SPDEF: variants seen among roughly 807,000 people sequenced by gnomAD.
SPDEF encodes the protein SAM pointed domain containing ETS transcription factor.
Under a neutral mutation model 36.0 loss-of-function variants are expected in SPDEF, and 12 were observed. The observed-to-expected ratio is 0.33, with a 90% CI of 0.21 to 0.54. SPDEF has a LOEUF of 0.54. Ranked by LOEUF, SPDEF falls within the 20% of genes least tolerant of loss-of-function variation. The probability of loss-of-function intolerance (pLI) is 0.93; values close to 1 mark genes in which losing one functional copy is unlikely to be tolerated. For missense variants in SPDEF, 388 were observed against 456.9 expected (o/e 0.85, Z 1.37); for synonymous variants, 205 against 193.0 (o/e 1.06, Z -0.51).
intron 1 of SPDEF, among the ~76,000 whole-genome samples, chr6:34,546,363 C>T (rs1767953816): frequency 6.6e-6 from 1 of 152,200 alleles, no homozygotes; most frequent in East Asian, 1.9e-4. Context: ...TGGTGCCCTA[C>T]TGGGACAGCA....
At chr6:34,546,189 A>T (rs906876399) in intron 1 of SPDEF, among the ~76,000 whole-genome samples, 1 of 152,242 alleles carries the variant, frequency 6.6e-6, no homozygotes, top group African/African-American at 2.4e-5. Context: ...GTTCACAGCC[A>T]CTGAATCAGC....
rs150236502 is a variant in SPDEF at position 34,555,124 on chromosome 6, GCACA to G, written c.-30+801_-30+804del. Reference sequence around the variant, plus strand: ...ACACCACACACACACATACTTCCGCGCACACACACGCACGCACACACCTCCACCA... The same window carrying G: ...ACACCACACACACACATACTTCCGCGCACACGCACGCACACACCTCCACCA... On this transcript the variant is annotated intron_variant, in intron 1 of 5. Coordinates refer to ENST00000374037, the MANE Select transcript of SPDEF (RefSeq NM_012391.3). The surrounding 1 kb of genome is among the most constrained non-coding windows in gnomAD (Gnocchi z 5.2). Among the ~76,000 whole-genome samples, 4,681 of 151,664 alleles carry G rather than the reference GCACA, an allele frequency of 0.031. 124 individuals are homozygous for G. The highest frequency in any genetic ancestry group is 0.043 in the Non-Finnish European group (2,922 of 67,866).
Position 34,539,130 on chromosome 6 carries a change from A to G in SPDEF, c.829+120T>C, listed in dbSNP as rs973287546. 1 of 1,197,640 alleles carries G rather than the reference A, an allele frequency of 8.3e-7. No homozygotes were observed. The highest frequency in any genetic ancestry group is 1.2e-6 in the Non-Finnish European group (1 of 845,988). The allele number at this position is 1,197,640 out of a possible 1,614,324, so 74.2% of individuals were successfully genotyped here. On this transcript the variant is annotated intron_variant, in intron 5 of 5. Transcript: ENST00000374037. This position sits in a 1 kb window ranked among gnomAD's most constrained non-coding sequence, Gnocchi z 5.2. ...GAGCTGCATATTTGGCATCTAGGAC[A>G]AAGGTGGGGATCAGCTTCACCCCTC...
intron 2 of SPDEF, among the ~76,000 whole-genome samples, chr6:34,541,596 C>T (rs188502113): frequency 7.9e-5 from 12 of 152,342 alleles, no homozygotes; most frequent in Admixed American, 2.6e-4. Context: ...ACCAGAGAAA[C>T]ACCTACCTGG....
In SPDEF at chr6:34,544,289, G is replaced by A. The variant is rs750333156; in HGVS notation, c.167C>T (p.Ser56Phe). 1.9e-5 allele frequency: 31 copies of A among 1,613,294 alleles called. No individual in the cohort carries two copies. The South Asian group carries it at 3.4e-4, about 18-fold the overall frequency. Residue 56 changes from serine (S) to phenylalanine (F), a missense_variant, in exon 2 of 6, where the codon TCC becomes TTC. Physicochemically the swap from Ser to Phe is radical, Grantham distance 155 (BLOSUM62 -2). This residue lies in a region of SPDEF where 308 missense variants were observed against 326.1 expected (regional missense o/e 0.94). Transcript: ENST00000374037. The surrounding 1 kb of genome is among the most constrained non-coding windows in gnomAD (Gnocchi z 4.4). Reference protein sequence around the residue: ...SPPATPEQGLSAFYLSYFDML... With the variant: ...SPPATPEQGLFAFYLSYFDML... The stretch of plus-strand genomic sequence containing the variant: ...GTCAAAGTAGGAGAGGTAGAAGGCG[G>A]ACAGGCCCTGCTCGGGCGTGGCGGG...
chr6:34,541,240 T>G (rs1462896640), intron 2 of SPDEF, 59 bp from the exon 3 acceptor site: 1 of 1,491,180 alleles, frequency 6.7e-7, no homozygotes, highest in African/African-American at 1.4e-5. Flanking sequence ...CCTGCTGTGA[T>G]GGGGCACCCA....
Position 34,539,206 on chromosome 6 carries a change from C to G in SPDEF, c.829+44G>C. On this transcript the variant is annotated intron_variant, in intron 5 of 5. Coordinates refer to ENST00000374037, the MANE Select transcript of SPDEF (RefSeq NM_012391.3). The surrounding 1 kb of genome is among the most constrained non-coding windows in gnomAD (Gnocchi z 5.2). ...TGCCTGGCAGAAGCCCCCACAACCT[C>G]CATGCTCACTGGCCCTGCAGCGCCC... 6.2e-7 allele frequency: 1 copy of G among 1,606,862 alleles called. No homozygotes were observed.
At chr6:34,543,584 C>T (rs1022946333) in intron 2 of SPDEF, among the ~76,000 whole-genome samples, 1 of 152,142 alleles carries the variant, frequency 6.6e-6, no homozygotes, top group Non-Finnish European at 1.5e-5. Context: ...AGGCCTCATG[C>T]GGATGGTGCC....
At position 34,555,095 on chromosome 6, in the gene SPDEF, GCACACAC is replaced by G. The variant is rs1271926485; in HGVS notation, c.-30+827_-30+833del. 6.6e-6 allele frequency among the ~76,000 whole-genome samples: 1 copy of G among 151,400 alleles called. No individual in the cohort carries two copies. The highest frequency in any genetic ancestry group is 1.5e-5 in the Non-Finnish European group (1 of 67,830). On this transcript the variant is annotated intron_variant, in intron 1 of 5. Transcript: ENST00000374037. This position sits in a 1 kb window ranked among gnomAD's most constrained non-coding sequence, Gnocchi z 5.2. ...GCACATGCAACACGCACGCGCACAT[GCACACAC>G]CACACACACACATACTTCCGCGCAC...
At position 34,552,084 on chromosome 6, in the gene SPDEF, C is replaced by G. The variant is rs1343957407; in HGVS notation, c.-30+3845G>C. ...TACCCCCACCACCTGCACATCCCCG[C>G]TTTGCCATGATGCAGCCCGGGTCAC... On this transcript the variant is annotated intron_variant, in intron 1 of 5. Transcript: ENST00000374037. The surrounding 1 kb of genome is among the most constrained non-coding windows in gnomAD (Gnocchi z 4.6). Among the ~76,000 whole-genome samples the G allele has an allele frequency of 6.6e-6, 1 of 152,248 alleles. No homozygotes were observed. The highest frequency in any genetic ancestry group is 2.4e-5 in the African/African-American group (1 of 41,464).
In SPDEF at chr6:34,552,273, T is replaced by A. The variant is rs1768077605; in HGVS notation, c.-30+3656A>T. On this transcript the variant is annotated intron_variant, in intron 1 of 5. Coordinates refer to ENST00000374037, the MANE Select transcript of SPDEF (RefSeq NM_012391.3). The surrounding 1 kb of genome is among the most constrained non-coding windows in gnomAD (Gnocchi z 4.6). ...GACAGGGGTCGTGAGGTTTCCTGGG[T>A]CTCTTGCTCCCCACAGCCCTGCCCA... Among the ~76,000 whole-genome samples, 1 of 152,032 alleles carries A rather than the reference T, an allele frequency of 6.6e-6. No individual in the cohort carries two copies. The highest frequency in any genetic ancestry group is 6.6e-5 in the Admixed American group (1 of 15,266).
intron 1 of SPDEF, among the ~76,000 whole-genome samples, chr6:34,547,028 C>A (rs1767968845): frequency 6.7e-6 from 1 of 149,770 alleles, no homozygotes; most frequent in Non-Finnish European, 1.5e-5. Flanking sequence ...CCTTCATCAC[C>A]CCCTGCCTGC....
intron 1 of SPDEF, among the ~76,000 whole-genome samples, chr6:34,548,006 A>G (rs747850018): frequency 5.3e-5 from 8 of 152,218 alleles, no homozygotes; most frequent in Non-Finnish European, 1.2e-4. Context: ...TCAGGCAGCC[A>G]GGGCTGGTGT....
intron 1 of SPDEF, among the ~76,000 whole-genome samples, chr6:34,554,995 C>T (rs3798542): frequency 0.28 from 42,378 of 152,068 alleles, 6,976 homozygotes; most frequent in African/African-American, 0.45. Flanking sequence ...GGCTGCTGGG[C>T]GGCCCCAGCT....
Position 34,542,446 on chromosome 6 carries a change from G to A in SPDEF, c.437-1265C>T, listed in dbSNP as rs7761030. ...GGCCCTAGGAGGTCCCCTCCTCATC[G>A]GGGCCTTCCGTCCCACAAGAACAGT... On this transcript the variant is annotated intron_variant, in intron 2 of 5. Transcript: ENST00000374037. Among the ~76,000 whole-genome samples, 5 of 152,342 alleles carry A rather than the reference G, an allele frequency of 3.3e-5. No homozygotes were observed. The South Asian group carries it at 6.2e-4, about 19-fold the overall frequency.
At chr6:34,546,639 G>A (rs1049571040) in intron 1 of SPDEF, among the ~76,000 whole-genome samples, 4 of 152,172 alleles carry the variant, frequency 2.6e-5, no homozygotes, top group Non-Finnish European at 4.4e-5. Context: ...TCCTTGTGCA[G>A]TGCCCAACCT....
chr6:34,538,568 C>A lies in SPDEF; in HGVS notation c.830-116G>T. 1 of 1,054,406 alleles carries A rather than the reference C, an allele frequency of 9.5e-7. No individual in the cohort carries two copies. Among genetic ancestry groups the A allele is most frequent in the Non-Finnish European group, 1.4e-6 (1 of 732,140 alleles). 65.3% of individuals were successfully genotyped at this position (1,054,406 alleles called of 1,614,324 possible). ...ACCAAGGGACCCCGTGCAGAGGCCTCCCCCTGCTCGGGTGGGGCGGGGTGT... is the reference window on the plus strand; with the variant it reads ...ACCAAGGGACCCCGTGCAGAGGCCTACCCCTGCTCGGGTGGGGCGGGGTGT... On this transcript the variant is annotated intron_variant, in intron 5 of 5. Transcript: ENST00000374037. This position sits in a 1 kb window ranked among gnomAD's most constrained non-coding sequence, Gnocchi z 5.9.
chr6:34,550,035 C>T (rs1400490421), intron 1 of SPDEF, among the ~76,000 whole-genome samples: 1 of 152,206 alleles, frequency 6.6e-6, no homozygotes, highest in Non-Finnish European at 1.5e-5. Context: ...GCCACATGGG[C>T]CTGCCCTGGT....
rs1317909359 is a variant in SPDEF, at chr6:34,544,516, T to G, written c.-29-32A>C. On this transcript the variant is annotated intron_variant, in intron 1 of 5. Transcript: ENST00000374037. This position sits in a 1 kb window ranked among gnomAD's most constrained non-coding sequence, Gnocchi z 4.4. Reference sequence around the variant, plus strand: ...AAATGAAAGAGGACTCAGGTTTGACTGCTTCTCCATCCCTGTGGGGGCCGC... The same window carrying G: ...AAATGAAAGAGGACTCAGGTTTGACGGCTTCTCCATCCCTGTGGGGGCCGC... The G allele has an allele frequency of 1.4e-6, 2 of 1,450,974 alleles. No individual in the cohort carries two copies. Among genetic ancestry groups the G allele is most frequent in the Non-Finnish European group, 1.8e-6 (2 of 1,098,844 alleles). 89.9% of individuals were successfully genotyped at this position (1,450,974 alleles called of 1,614,324 possible).
Sources: allele counts gnomAD v4.1 joint callset (sites outside exome capture counted in the v4.1 genomes callset), GRCh38; gene constraint gnomAD v4.1.1; regional missense constraint gnomAD v4.1.1; non-coding constraint Gnocchi (gnomAD v3.1); transcripts MANE v1.5; gene names NCBI Gene and HGNC (gene_info 2026-07-23, HGNC 2026-07-21).